The following PTPN14 variants were observed in gnomAD, a reference collection of about 807,000 sequenced individuals.
PTPN14 encodes the protein protein tyrosine phosphatase non-receptor type 14.
Under a neutral mutation model 126.8 loss-of-function variants are expected in PTPN14, and 53 were observed. The observed-to-expected ratio is 0.42, with a 90% confidence interval of 0.34 to 0.53. The LOEUF (loss-of-function observed/expected upper bound fraction) is 0.53. PTPN14 is among the 20% of genes least tolerant of loss of function. PTPN14 has a pLI of 0.08. For synonymous variants in PTPN14, 630 were observed against 599.3 expected (o/e 1.05, Z -0.75); for missense variants, 1,257 against 1,552.9 (o/e 0.81, Z 3.20).
At chr1:214,525,190 G>A (rs1274888957) in intron 1 of PTPN14, among the ~76,000 whole-genome samples, 2 of 152,158 alleles carry the variant, frequency 1.3e-5, no homozygotes, top group African/African-American at 4.8e-5. Flanking sequence ...GTTTTGCAGA[G>A]GGCAGTGGAG....
chr1:214,435,741 G>A (rs1659899727), intron 3 of PTPN14, among the ~76,000 whole-genome samples: 2 of 152,126 alleles, frequency 1.3e-5, no homozygotes, highest in South Asian at 4.1e-4. Flanking sequence ...TTATTAAAAA[G>A]TCAAAAAATA....
chr1:214,424,474 T>C (rs1488622976), intron 3 of PTPN14, among the ~76,000 whole-genome samples: 1 of 151,932 alleles, frequency 6.6e-6, no homozygotes, highest in Non-Finnish European at 1.5e-5. Flanking sequence ...TGGATGACTT[T>C]AATTTCCATA....
chr1:214,524,549 G>A (rs1379615238), intron 1 of PTPN14, among the ~76,000 whole-genome samples: 3 of 152,064 alleles, frequency 2.0e-5, no homozygotes, highest in African/African-American at 7.2e-5. Context: ...CTCCTCGGAA[G>A]GCTGAGGCAA....
chr1:214,543,168 A>C (rs976663173), intron 1 of PTPN14, among the ~76,000 whole-genome samples: 4 of 152,202 alleles, frequency 2.6e-5, no homozygotes, highest in African/African-American at 9.7e-5. Flanking sequence ...TATATGATAC[A>C]AAAGACAATA....
rs570546274 is a variant in PTPN14, at chr1:214,412,682, T to C, written c.443-931A>G. Among the ~76,000 whole-genome samples, 7 of 152,266 alleles carry C rather than the reference T, an allele frequency of 4.6e-5. No homozygotes were observed. The South Asian group carries it at 1.5e-3, about 32-fold the overall frequency. On this transcript the variant is annotated intron_variant, in intron 4 of 18. Coordinates refer to ENST00000366956, the MANE Select transcript of PTPN14 (RefSeq NM_005401.5). Reference sequence around the variant, plus strand: ...ATAAGCGTTCTCAAAAAAAAGTTATTTGAAAAGGATTAGTTAGAGAAGGTT... The same window carrying C: ...ATAAGCGTTCTCAAAAAAAAGTTATCTGAAAAGGATTAGTTAGAGAAGGTT...
At chr1:214,470,393 G>C (rs1660726929) in intron 1 of PTPN14, among the ~76,000 whole-genome samples, 1 of 151,556 alleles carries the variant, frequency 6.6e-6, no homozygotes, top group African/African-American at 2.4e-5. Context: ...CTTTTTCCTA[G>C]GCGCATCTTA....
In PTPN14 at chr1:214,356,920, C is replaced by T. The variant is rs1657835410; in HGVS notation, c.*1002G>A. ...AACTTTTAGGTCTCTGTCCAGCACA[C>T]ACATCTTATTTAAATAAAAAACAAT... On this transcript the variant is annotated 3_prime_UTR_variant, in exon 19 of 19. Transcript: ENST00000366956. 6.6e-6 allele frequency: 1 copy of T among 152,228 alleles called. No homozygotes were observed. Among genetic ancestry groups the T allele is most frequent in the Non-Finnish European group, 1.5e-5 (1 of 68,062 alleles). The allele number at this position is 152,228 out of a possible 1,614,324, so 9.4% of individuals were successfully genotyped here.
chr1:214,364,582 C>T lies in PTPN14; in HGVS notation c.3365G>A (p.Ser1122Asn). The change falls in exon 18 of 19, where the codon AGT becomes AAT. Residue 1122 changes from serine (S) to asparagine (N), a missense_variant. Around this residue, in one of 3 missense-constraint regions of PTPN14, gnomAD observed 171 missense variants for 229.8 expected, o/e 0.74. Transcript: ENST00000366956. The surrounding 1 kb of genome is among the most constrained non-coding windows in gnomAD (Gnocchi z 4.1). ...CACGCCGGTCCTTCCCACCCCAGCA[C>T]TACAGTGGACCACGATGGGCGGGTG... ...NRHPPIVVHCSAGVGRTGVLI... is the reference protein window; with the variant it reads ...NRHPPIVVHCNAGVGRTGVLI... 6.2e-7 allele frequency: 1 copy of T among 1,614,090 alleles called. No homozygotes were observed. Among genetic ancestry groups the T allele is most frequent in the South Asian group, 1.1e-5 (1 of 91,076 alleles).
Position 214,375,417 on chromosome 1 carries a change from G to T in PTPN14, c.2907+802C>A, listed in dbSNP as rs186786885. 3.5e-3 allele frequency among the ~76,000 whole-genome samples: 530 copies of T among 152,284 alleles called. 1 individual carries two copies. The highest frequency in any genetic ancestry group is 6.1e-3 in the Non-Finnish European group (415 of 68,012). The stretch of plus-strand genomic sequence containing the variant: ...GTTATTTAACAACACCTATAACACT[G>T]GCTTTAACATTAATAGATGAACAAA... On this transcript the variant is annotated intron_variant, in intron 15 of 18. Transcript: ENST00000366956.
intron 5 of PTPN14, among the ~76,000 whole-genome samples, chr1:214,406,259 C>G (rs1244210113): frequency 6.6e-6 from 1 of 152,104 alleles, no homozygotes; most frequent in Non-Finnish European, 1.5e-5. Flanking sequence ...GGGAAGATCA[C>G]TTGAGGCCAA....
At chr1:214,377,844 G>T in intron 14 of PTPN14, 115 bp downstream of exon 14, 1 of 1,283,090 alleles carries the variant, frequency 7.8e-7, no homozygotes, top group Non-Finnish European at 1.1e-6. Context: ...CCTAATCTCA[G>T]ATTGAAGAAA....
chr1:214,417,578 C>T (rs1438854695), intron 3 of PTPN14, among the ~76,000 whole-genome samples: 1 of 152,190 alleles, frequency 6.6e-6, no homozygotes, highest in Non-Finnish European at 1.5e-5. Context: ...TAGCCCATAA[C>T]AATATCTTCA....
chr1:214,502,050 C>T lies in PTPN14; in HGVS notation c.-154-37093G>A, dbSNP rs1258819810. Among the ~76,000 whole-genome samples, 3 of 113,468 alleles carry T rather than the reference C, an allele frequency of 2.6e-5. No individual in the cohort carries two copies. The East Asian group carries it at 7.9e-4, about 30-fold the overall frequency. The allele number at this position is 113,468 out of a possible 152,430, so 74.4% of individuals were successfully genotyped here. A position where few individuals can be genotyped will look rare whatever the true frequency, so the allele number is the denominator to read the frequency against. On this transcript the variant is annotated intron_variant, in intron 1 of 18. Coordinates refer to ENST00000366956, the MANE Select transcript of PTPN14 (RefSeq NM_005401.5). ...CTCCAGCCTGGGCGACGGTGCAAGG[C>T]TCTGTCTCAAAAAAAAAAAAAAAAA...
chr1:214,434,942 A>T (rs1553266473), intron 3 of PTPN14, among the ~76,000 whole-genome samples: 1 of 152,186 alleles, frequency 6.6e-6, no homozygotes, highest in Non-Finnish European at 1.5e-5. Flanking sequence ...ATGATTTGTA[A>T]CGCCCTTATC....
intron 3 of PTPN14, among the ~76,000 whole-genome samples, chr1:214,440,182 G>A (rs1356371139): frequency 3.3e-5 from 5 of 152,168 alleles, no homozygotes; most frequent in Admixed American, 3.3e-4. Context: ...GTGTGACTAT[G>A]GGCAGAGTCC....
At chr1:214,424,537 T>C (rs1265873563) in intron 3 of PTPN14, among the ~76,000 whole-genome samples, 1 of 151,458 alleles carries the variant, frequency 6.6e-6, no homozygotes, top group Non-Finnish European at 1.5e-5. Flanking sequence ...TCTTTCTTTT[T>C]TTTTTTTTTA....
At chr1:214,369,778 G>A in intron 16 of PTPN14, 87 bp from the exon 17 acceptor site, 2 of 1,213,716 alleles carry the variant, frequency 1.6e-6, no homozygotes, top group Non-Finnish European at 2.4e-6. Context: ...AGAAGAAAAT[G>A]CAAATAGCTT....
chr1:214,400,306 C>T (rs542958684), intron 7 of PTPN14, among the ~76,000 whole-genome samples: 122 of 152,270 alleles, frequency 8.0e-4, no homozygotes, highest in Middle Eastern at 3.4e-3. Context: ...AGGAATCATG[C>T]GGTCTATAGG....
In PTPN14 at chr1:214,539,338, T is replaced by C. The variant is rs540715482; in HGVS notation, c.-155+11845A>G. Among the ~76,000 whole-genome samples the C allele has an allele frequency of 5.3e-5, 8 of 152,328 alleles. 1 individual carries two copies. The South Asian group carries it at 1.7e-3, about 32-fold the overall frequency. On this transcript the variant is annotated intron_variant, in intron 1 of 18. Transcript: ENST00000366956. ...GAAACATTTTCATTTACTGCAAGAC[T>C]TCTCAGAGCCTTTAATGTCAACACA...
Sources: allele counts gnomAD v4.1 joint callset (sites outside exome capture counted in the v4.1 genomes callset), GRCh38; gene constraint gnomAD v4.1.1; regional missense constraint gnomAD v4.1.1; non-coding constraint Gnocchi (gnomAD v3.1); transcripts MANE v1.5; gene names NCBI Gene and HGNC (gene_info 2026-07-23, HGNC 2026-07-21).